Variants in VPS8 observed in about 807,000 individuals in gnomAD.
VPS8 encodes the protein vacuolar protein sorting-associated protein 8 homolog.
In VPS8, 129 loss-of-function variants were observed where a neutral mutation model predicts 216.4. That is an observed-to-expected ratio of 0.60 (90% confidence interval 0.52 to 0.69). The LOEUF (loss-of-function observed/expected upper bound fraction) is 0.69. Among genes scored for constraint, VPS8 ranks in the 30% least tolerant of loss-of-function variants. The pLI is 0.00. For synonymous variants in VPS8, 571 were observed against 565.4 expected (o/e 1.01, Z -0.14); for missense variants, 1,531 against 1,683.5 (o/e 0.91, Z 1.59).
chr3:184,973,450 G>C (rs12696538), intron 40 of VPS8, among the ~76,000 whole-genome samples: 101,627 of 152,008 alleles, frequency 0.67, 36,680 homozygotes, highest in East Asian at 0.84. Flanking sequence ...ATACATATTC[G>C]TGGGGTTAAT....
chr3:184,919,562 T>C (rs1738245079), intron 28 of VPS8, among the ~76,000 whole-genome samples: 2 of 152,326 alleles, frequency 1.3e-5, no homozygotes, highest in Middle Eastern at 3.4e-3. Context: ...CTTGATCAGT[T>C]ACATAAAATA....
intron 2 of VPS8, chr3:184,825,115 G>C (rs1177769891): frequency 3.9e-6 from 1 of 253,880 alleles, no homozygotes; most frequent in Admixed American, 4.7e-5. Context: ...TGTTGCCCAG[G>C]CTGGTCTCAA....
At chr3:184,861,351 G>A (rs1176907865) in intron 15 of VPS8, among the ~76,000 whole-genome samples, 1 of 152,104 alleles carries the variant, frequency 6.6e-6, no homozygotes, top group Non-Finnish European at 1.5e-5. Context: ...GAATGAAAAA[G>A]TGCTTTTTCC....
At chr3:185,039,414 C>T (rs1031407658) in intron 46 of VPS8, among the ~76,000 whole-genome samples, 3 of 151,164 alleles carry the variant, frequency 2.0e-5, no homozygotes, top group African/African-American at 7.3e-5. Flanking sequence ...CAGGCTGCCT[C>T]CACTCAAGGC....
chr3:184,834,318 G>A (rs1720611973), intron 4 of VPS8, among the ~76,000 whole-genome samples: 2 of 152,276 alleles, frequency 1.3e-5, no homozygotes, highest in South Asian at 4.2e-4. Context: ...GTGCTTCTTT[G>A]AGGTTCAAGG....
At chr3:184,869,111 T>C (rs987378489) in intron 19 of VPS8, 75 bp downstream of exon 19, 42 of 1,342,902 alleles carry the variant, frequency 3.1e-5, no homozygotes, top group Non-Finnish European at 4.2e-5. Flanking sequence ...TAACCACTCA[T>C]AGGACACTTT....
chr3:184,883,443 A>G (rs1486283170), intron 21 of VPS8, among the ~76,000 whole-genome samples: 1 of 152,168 alleles, frequency 6.6e-6, no homozygotes, highest in Non-Finnish European at 1.5e-5. Flanking sequence ...ACCTCTTCCC[A>G]CATTTCTTAT....
In VPS8 at chr3:185,051,373, G is replaced by T. The variant is rs183864752; in HGVS notation, c.4138-503G>T. Among the ~76,000 whole-genome samples the T allele has an allele frequency of 2.2e-3, 340 of 152,252 alleles. 1 individual carries two copies. Among genetic ancestry groups the T allele is most frequent in the Non-Finnish European group, 3.8e-3 (258 of 68,018 alleles). The stretch of plus-strand genomic sequence containing the variant: ...CCCCTGAGTTTGAGTTGGCAGCTGG[G>T]TGTCTGTTTGAGGCCTTCCAGGTTA... On this transcript the variant is annotated intron_variant, in intron 47 of 47. Transcript: ENST00000625842.
At chr3:184,814,567 A>G (rs1715898782) in intron 1 of VPS8, among the ~76,000 whole-genome samples, 1 of 152,170 alleles carries the variant, frequency 6.6e-6, no homozygotes, top group Non-Finnish European at 1.5e-5. Context: ...TTGTAACACA[A>G]TGGCCAAGTA....
intron 6 of VPS8, chr3:184,839,306 C>A (rs760225931): frequency 1.0e-5 from 2 of 193,260 alleles, no homozygotes; most frequent in Non-Finnish European, 2.1e-5. Context: ...TAGGCCCCTG[C>A]GGATAAACTA....
chr3:184,832,222 G>A (rs771041666), intron 3 of VPS8, among the ~76,000 whole-genome samples: 6 of 152,062 alleles, frequency 3.9e-5, no homozygotes, highest in Admixed American at 3.9e-4. Context: ...TGAAATCACT[G>A]TGTCTTTCTG....
At chr3:185,013,248 G>A (rs945252615) in intron 45 of VPS8, among the ~76,000 whole-genome samples, 1 of 152,198 alleles carries the variant, frequency 6.6e-6, no homozygotes, top group Admixed American at 6.5e-5. Context: ...GCCAGTTTGG[G>A]GGCCAGTTTA....
At position 184,899,954 on chromosome 3, in the gene VPS8, C is replaced by T. The variant is rs546789585; in HGVS notation, c.2095-967C>T. On this transcript the variant is annotated intron_variant, in intron 24 of 47. Transcript: ENST00000625842. The stretch of plus-strand genomic sequence containing the variant: ...TATTGAGGTTACCTTGTTTTGTGTT[C>T]GAAGTGTTTAAAGTTTAGCTATTTT... 5.3e-5 allele frequency among the ~76,000 whole-genome samples: 8 copies of T among 152,168 alleles called. No homozygotes were observed. The South Asian group carries it at 1.5e-3, about 28-fold the overall frequency.
chr3:184,820,950 A>C (rs1717450121), intron 1 of VPS8, among the ~76,000 whole-genome samples: 1 of 152,234 alleles, frequency 6.6e-6, no homozygotes, highest in African/African-American at 2.4e-5. Flanking sequence ...TCAGCTCATG[A>C]AGAACTGCTG....
chr3:184,946,634 C>G (rs1159103483), intron 36 of VPS8, among the ~76,000 whole-genome samples: 1 of 152,144 alleles, frequency 6.6e-6, no homozygotes, highest in Non-Finnish European at 1.5e-5. Flanking sequence ...TCAGGCCCAC[C>G]TGGCCAGCAG....
chr3:184,944,101 G>A (rs1743245431), intron 36 of VPS8, among the ~76,000 whole-genome samples: 1 of 152,124 alleles, frequency 6.6e-6, no homozygotes, highest in South Asian at 2.1e-4. Context: ...TTTTGAGGGG[G>A]TAGTTTTTAT....
Position 185,048,644 on chromosome 3 carries a change from T to G in VPS8, c.4137+85T>G, listed in dbSNP as rs140928759. The G allele has an allele frequency of 1.1e-3, 1,550 of 1,469,274 alleles. 19 individuals carry two copies. The African/African-American group carries it at 0.019, about 18-fold the overall frequency. 91.0% of individuals were successfully genotyped at this position (1,469,274 alleles called of 1,614,324 possible). A position where few individuals can be genotyped will look rare whatever the true frequency, so the allele number is the denominator to read the frequency against. On this transcript the variant is annotated intron_variant, in intron 47 of 47. Coordinates refer to ENST00000625842, the MANE Select transcript of VPS8 (RefSeq NM_001009921.3). ...CAGGCAGTGTCTTGGAACCTCCCTC[T>G]AGCCTCCTTCTAGCCTGGAAGGTGC...
At chr3:185,031,718 A>G (rs1758195490) in intron 46 of VPS8, among the ~76,000 whole-genome samples, 1 of 152,236 alleles carries the variant, frequency 6.6e-6, no homozygotes, top group Non-Finnish European at 1.5e-5. Flanking sequence ...AGAACAAGGT[A>G]TCTTGAGTGA....
chr3:184,991,100 C>G (rs2109829720), intron 42 of VPS8, among the ~76,000 whole-genome samples: 1 of 152,244 alleles, frequency 6.6e-6, no homozygotes, highest in African/African-American at 2.4e-5. Flanking sequence ...CTCTCCTGTT[C>G]AGGGCATCAT....
Sources: allele counts gnomAD v4.1 joint callset (sites outside exome capture counted in the v4.1 genomes callset), GRCh38; gene constraint gnomAD v4.1.1; transcripts MANE v1.5; gene names NCBI Gene and HGNC (gene_info 2026-07-23, HGNC 2026-07-21).